The following TANC1 variants were observed in gnomAD, a reference collection of about 807,000 sequenced individuals.
TANC1 encodes tetratricopeptide repeat, ankyrin repeat and coiled-coil containing 1.
A neutral mutation model predicts 149.7 loss-of-function variants in TANC1; 77 were observed. That is an observed-to-expected ratio of 0.51 (90% confidence interval 0.43 to 0.62). The LOEUF (loss-of-function observed/expected upper bound fraction) is 0.62. TANC1 is among the 20% of genes least tolerant of loss of function. The probability of loss-of-function intolerance (pLI) is 0.00; values close to 1 mark genes in which losing one functional copy is unlikely to be tolerated. For synonymous variants in TANC1, 854 were observed against 925.0 expected (o/e 0.92, Z 1.39); for missense variants, 1,985 against 2,321.8 (o/e 0.85, Z 2.98).
intron 1 of TANC1, among the ~76,000 whole-genome samples, chr2:159,000,312 A>C (rs2036513840): frequency 6.6e-6 from 1 of 152,100 alleles, no homozygotes; most frequent in Non-Finnish European, 1.5e-5. Flanking sequence ...CCAGGGCGGG[A>C]AGCTGGGGTG....
intron 2 of TANC1, among the ~76,000 whole-genome samples, chr2:159,018,768 T>G (rs1035478191): frequency 1.3e-5 from 2 of 152,220 alleles, no homozygotes; most frequent in African/African-American, 4.8e-5. Flanking sequence ...ATGGCTCTAG[T>G]AATTCTTAAG....
At position 159,051,898 on chromosome 2, in the gene TANC1, G is replaced by A. The variant is rs546149785; in HGVS notation, c.-15-13998G>A. Among the ~76,000 whole-genome samples, 3 of 152,212 alleles carry A rather than the reference G, an allele frequency of 2.0e-5. No homozygotes were observed. In the South Asian group the frequency reaches 6.2e-4, roughly 32 times the overall value. On this transcript the variant is annotated intron_variant, in intron 2 of 26. Coordinates refer to ENST00000263635, the MANE Select transcript of TANC1 (RefSeq NM_033394.3). The stretch of plus-strand genomic sequence containing the variant: ...TAACCATGAAAACAAAAACCATCTC[G>A]GTTACCCAGGATCCATGAGAAATTG...
chr2:159,169,231 C>T lies in TANC1; in HGVS notation c.947-19C>T. 4 of 1,608,822 alleles carry T rather than the reference C, an allele frequency of 2.5e-6. No homozygotes were observed. The highest frequency in any genetic ancestry group is 3.4e-6 in the Non-Finnish European group (4 of 1,175,676). On this transcript the variant is annotated intron_variant, in intron 8 of 26. Transcript: ENST00000263635. ...TAAAGTCACCTTTGAAGATACTAAACTTCAGTTTAATATTACAGCAACAAG... is the reference window on the plus strand; with the variant it reads ...TAAAGTCACCTTTGAAGATACTAAATTTCAGTTTAATATTACAGCAACAAG...
At chr2:159,123,665 C>T (rs1440139116) in intron 4 of TANC1, among the ~76,000 whole-genome samples, 2 of 152,202 alleles carry the variant, frequency 1.3e-5, no homozygotes, top group Non-Finnish European at 2.9e-5. Context: ...TAATTTATAG[C>T]AAATGAGTAT....
chr2:159,125,348 C>T (rs1354180209), intron 4 of TANC1, among the ~76,000 whole-genome samples: 1 of 152,186 alleles, frequency 6.6e-6, no homozygotes, highest in South Asian at 2.1e-4. Flanking sequence ...TATTGCTGCC[C>T]TGAGAAATTA....
chr2:159,210,620 G>C (rs2058919886), intron 19 of TANC1, among the ~76,000 whole-genome samples: 1 of 151,732 alleles, frequency 6.6e-6, no homozygotes, highest in South Asian at 2.1e-4. Context: ...AGGCTGGAGT[G>C]CAGTGGCGAG....
intron 2 of TANC1, chr2:159,004,404 A>G: frequency 9.9e-7 from 1 of 1,009,402 alleles, no homozygotes; most frequent in Non-Finnish European, 1.6e-6. Context: ...CACAGAGAAC[A>G]TCACCTGTTA....
chr2:159,091,015 G>A, intron 3 of TANC1, among the ~76,000 whole-genome samples: 1 of 152,074 alleles, frequency 6.6e-6, no homozygotes, highest in South Asian at 2.1e-4. Flanking sequence ...AAATAGACGA[G>A]GGAACAGGGT....
chr2:158,998,886 C>T (rs142968876), intron 1 of TANC1, among the ~76,000 whole-genome samples: 53 of 152,068 alleles, frequency 3.5e-4, no homozygotes, highest in African/African-American at 1.2e-3. Context: ...ATAAATAGAG[C>T]GGGAAGAGAG....
At chr2:159,108,200 G>A (rs2047379857) in intron 4 of TANC1, among the ~76,000 whole-genome samples, 1 of 152,156 alleles carries the variant, frequency 6.6e-6, no homozygotes, top group Admixed American at 6.5e-5. Context: ...GACGCTTTAG[G>A]TCCAGCCTCC....
At chr2:158,990,296 C>T (rs771943222) in intron 1 of TANC1, among the ~76,000 whole-genome samples, 1 of 152,162 alleles carries the variant, frequency 6.6e-6, no homozygotes. Flanking sequence ...TAGAGTAGCT[C>T]CTAGCACATA....
intron 2 of TANC1, among the ~76,000 whole-genome samples, chr2:159,055,332 T>C (rs544672320): frequency 6.6e-6 from 1 of 152,354 alleles, no homozygotes; most frequent in Admixed American, 6.5e-5. Flanking sequence ...ACTGGGTCCC[T>C]GAGGTGATGC....
chr2:159,014,974 T>G (rs1019969356), intron 2 of TANC1, among the ~76,000 whole-genome samples: 16 of 152,202 alleles, frequency 1.1e-4, no homozygotes, highest in Non-Finnish European at 2.4e-4. Flanking sequence ...CAGTGCAAGC[T>G]GTTAGTGGAT....
intron 3 of TANC1, among the ~76,000 whole-genome samples, chr2:159,074,777 T>G (rs949679179): frequency 1.3e-5 from 2 of 152,120 alleles, no homozygotes; most frequent in African/African-American, 2.4e-5. Context: ...CAATAGAAAC[T>G]TATTTCCCCT....
At chr2:159,020,210 C>T (rs573048302) in intron 2 of TANC1, among the ~76,000 whole-genome samples, 49 of 152,290 alleles carry the variant, frequency 3.2e-4, no homozygotes, top group Non-Finnish European at 6.3e-4. Flanking sequence ...CTCTGCCTCC[C>T]GGGTTCAAGT....
intron 1 of TANC1, among the ~76,000 whole-genome samples, chr2:158,996,831 G>C (rs763161929): frequency 1.3e-5 from 2 of 152,170 alleles, no homozygotes; most frequent in African/African-American, 2.4e-5. Flanking sequence ...AGGGATGTCA[G>C]CTACTTAAGT....
intron 2 of TANC1, among the ~76,000 whole-genome samples, chr2:159,044,685 G>A (rs529379353): frequency 6.6e-6 from 1 of 152,228 alleles, no homozygotes; most frequent in Non-Finnish European, 1.5e-5. Flanking sequence ...GAGTCCCCAA[G>A]ACATCCAGGA....
intron 7 of TANC1, among the ~76,000 whole-genome samples, chr2:159,155,581 T>C (rs1194499480): frequency 6.6e-6 from 1 of 152,198 alleles, no homozygotes; most frequent in Non-Finnish European, 1.5e-5. Context: ...CCTGCCCAGC[T>C]CTCAGCACCT....
intron 1 of TANC1, among the ~76,000 whole-genome samples, chr2:158,984,729 G>A (rs1719077): frequency 0.22 from 32,829 of 151,880 alleles, 3,857 homozygotes; most frequent in South Asian, 0.43. Flanking sequence ...TCAGGGAGGA[G>A]GGGGAGGAGG....
Sources: gnomAD v4.1 joint callset for allele counts (sites outside exome capture counted in the v4.1 genomes callset) on GRCh38, gnomAD v4.1.1 for gene constraint, MANE v1.5 for transcripts, NCBI Gene and HGNC (gene_info 2026-07-23, HGNC 2026-07-21) for gene names.